Variants in DIS3L2 observed in about 807,000 individuals in gnomAD.
DIS3L2 encodes DIS3 like 3'-5' exoribonuclease 2, also known as DIS3-like exonuclease 2.
Under a neutral mutation model 97.5 loss-of-function variants are expected in DIS3L2, and 34 were observed. That is an observed-to-expected ratio of 0.35 (90% CI 0.27 to 0.46). DIS3L2 has a LOEUF of 0.46. Among genes scored for constraint, DIS3L2 ranks in the 20% least tolerant of loss-of-function variants. DIS3L2 has a pLI of 1.00. For missense variants in DIS3L2, 1,038 were observed against 1,146.0 expected, an observed-to-expected ratio of 0.91 and a Z score of 1.36; for synonymous variants, 435 against 445.2, an observed-to-expected ratio of 0.98 and a Z score of 0.29.
intron 10 of DIS3L2, among the ~76,000 whole-genome samples, chr2:232,212,825 G>A (rs769500720): frequency 3.3e-5 from 5 of 152,170 alleles, no homozygotes; most frequent in Non-Finnish European, 7.4e-5. Flanking sequence ...ACAGATGTGA[G>A]AAAGGGATAA....
At chr2:232,285,866 G>GA (rs1157895138) in intron 13 of DIS3L2, among the ~76,000 whole-genome samples, 1 of 152,156 alleles carries the variant, frequency 6.6e-6, no homozygotes, top group Non-Finnish European at 1.5e-5. Flanking sequence ...CCTTTGTGGG[G>GA]ATCACAAAGA....
chr2:232,297,548 T>A (rs1575001976), intron 13 of DIS3L2, among the ~76,000 whole-genome samples: 1 of 152,246 alleles, frequency 6.6e-6, no homozygotes, highest in South Asian at 2.1e-4. Context: ...TCTGTAAGAA[T>A]CACCAGTCAT....
intron 10 of DIS3L2, among the ~76,000 whole-genome samples, chr2:232,232,847 G>A (rs775273634): frequency 3.3e-5 from 5 of 152,178 alleles, no homozygotes; most frequent in Non-Finnish European, 7.3e-5. Flanking sequence ...GAGAGAAGGG[G>A]TAGAATTAGA....
intron 8 of DIS3L2, among the ~76,000 whole-genome samples, chr2:232,161,493 T>C (rs1324810505): frequency 6.6e-6 from 1 of 152,116 alleles, no homozygotes; most frequent in African/African-American, 2.4e-5. Flanking sequence ...TTTTTTGAGA[T>C]AGCATCTCGC....
chr2:231,980,133 G>A (rs970194567), intron 1 of DIS3L2, among the ~76,000 whole-genome samples: 6 of 151,968 alleles, frequency 3.9e-5, no homozygotes, highest in Non-Finnish European at 5.9e-5. Context: ...TTACTCTTTT[G>A]CAAACATTTC....
intron 10 of DIS3L2, among the ~76,000 whole-genome samples, chr2:232,230,412 T>G (rs1190996291): frequency 6.6e-6 from 1 of 152,200 alleles, no homozygotes; most frequent in East Asian, 1.9e-4. Flanking sequence ...CCCCCTTGGT[T>G]GGATTACCCT....
At chr2:232,181,601 C>T (rs573427752) in intron 9 of DIS3L2, among the ~76,000 whole-genome samples, 6 of 152,006 alleles carry the variant, frequency 3.9e-5, no homozygotes, top group African/African-American at 7.2e-5. Flanking sequence ...TCCAGTTGAT[C>T]GCATCGGCCA....
At position 232,333,866 on chromosome 2, in the gene DIS3L2, G is replaced by A. The variant is rs1215006320; in HGVS notation, c.2037G>A (p.Leu679=). The A allele has an allele frequency of 6.2e-7, 1 of 1,612,540 alleles. No individual in the cohort carries two copies. The highest frequency in any genetic ancestry group is 8.5e-7 in the Non-Finnish European group (1 of 1,179,780). ...TGGCACTGTACTTCTGCTCGGGGCT[G>A]CTGCAGGACCCAGCGCAGTTCCGGC... ...MQMALYFCSG[L]LQDPAQFRHY... The change falls in exon 17 of 21, where the codon CTG becomes CTA. Residue 679 remains leucine (L), a synonymous_variant. Coordinates refer to ENST00000325385, the MANE Select transcript of DIS3L2 (RefSeq NM_152383.5).
chr2:232,067,047 A>G (rs999257728), intron 5 of DIS3L2, among the ~76,000 whole-genome samples: 3 of 151,854 alleles, frequency 2.0e-5, no homozygotes, highest in Non-Finnish European at 2.9e-5. Flanking sequence ...TTATCATTCT[A>G]GTGGAAGATT....
At chr2:232,298,690 A>T (rs777447242) in intron 13 of DIS3L2, among the ~76,000 whole-genome samples, 1 of 152,250 alleles carries the variant, frequency 6.6e-6, no homozygotes, top group Non-Finnish European at 1.5e-5. Context: ...TAGTTAAAAA[A>T]AAAATTATAA....
chr2:232,277,900 A>G (rs1422105804), intron 13 of DIS3L2, among the ~76,000 whole-genome samples: 3 of 152,202 alleles, frequency 2.0e-5, no homozygotes, highest in Admixed American at 6.5e-5. Flanking sequence ...AACAAGTGCT[A>G]TGTATTTGTA....
intron 1 of DIS3L2, among the ~76,000 whole-genome samples, chr2:232,007,318 A>G (rs537640533): frequency 7.4e-4 from 112 of 152,314 alleles, no homozygotes; most frequent in African/African-American, 2.5e-3. Context: ...GAGTGAGTCC[A>G]TATAGGAGAG....
intron 13 of DIS3L2, among the ~76,000 whole-genome samples, chr2:232,342,459 C>T (rs74712634): frequency 6.6e-6 from 1 of 152,038 alleles, no homozygotes; most frequent in African/African-American, 2.4e-5. Context: ...TTTTAACAAA[C>T]CTTGTAGATC....
At chr2:232,039,612 A>G (rs1043925824) in intron 5 of DIS3L2, among the ~76,000 whole-genome samples, 1 of 152,182 alleles carries the variant, frequency 6.6e-6, no homozygotes, top group Non-Finnish European at 1.5e-5. Flanking sequence ...TTACTCTTAT[A>G]TAACTCTTCG....
At chr2:232,264,305 C>A (rs1043439977) in intron 13 of DIS3L2, among the ~76,000 whole-genome samples, 1 of 152,166 alleles carries the variant, frequency 6.6e-6, no homozygotes, top group South Asian at 2.1e-4. Context: ...AGTTAGGGAC[C>A]CCTGCTGTAG....
intron 9 of DIS3L2, among the ~76,000 whole-genome samples, chr2:232,190,323 G>A (rs2106195017): frequency 6.6e-6 from 1 of 152,222 alleles, no homozygotes; most frequent in South Asian, 2.1e-4. Context: ...AACAGAGTGA[G>A]ACCCTGTCTC....
At chr2:231,969,379 T>C (rs546204846) in intron 1 of DIS3L2, among the ~76,000 whole-genome samples, 1 of 151,194 alleles carries the variant, frequency 6.6e-6, no homozygotes, top group Admixed American at 6.6e-5. Flanking sequence ...GGCGCAATCT[T>C]GGCTCACTGC....
intron 14 of DIS3L2, among the ~76,000 whole-genome samples, chr2:232,314,080 C>T (rs1329093438): frequency 1.3e-5 from 2 of 152,224 alleles, no homozygotes; most frequent in Non-Finnish European, 2.9e-5. Context: ...CCCATCCCAC[C>T]TTTCCCTGAT....
intron 10 of DIS3L2, among the ~76,000 whole-genome samples, chr2:232,216,348 G>A (rs575077371): frequency 6.6e-6 from 1 of 152,278 alleles, no homozygotes; most frequent in South Asian, 2.1e-4. Flanking sequence ...TCTAAATGTG[G>A]GCTTTTCTTC....
Sources: allele counts gnomAD v4.1 joint callset (sites outside exome capture counted in the v4.1 genomes callset), GRCh38; gene constraint gnomAD v4.1.1; transcripts MANE v1.5; gene names NCBI Gene and HGNC (gene_info 2026-07-23, HGNC 2026-07-21).